The following RIMS2 variants were observed in gnomAD, a reference collection of about 807,000 sequenced individuals.
RIMS2 encodes regulating synaptic membrane exocytosis protein 2.
A neutral mutation model predicts 174.4 loss-of-function variants in RIMS2; 59 were observed. The observed-to-expected ratio is 0.34, with a 90% CI of 0.27 to 0.42. The LOEUF (loss-of-function observed/expected upper bound fraction) is 0.42, where lower values mean the gene tolerates loss of function less well. Among genes scored for constraint, RIMS2 ranks in the 10% least tolerant of loss-of-function variants. RIMS2 has a pLI of 1.00. For missense variants in RIMS2, 1,620 were observed against 1,666.3 expected (o/e 0.97, Z 0.48); for synonymous variants, 606 against 572.5 (o/e 1.06, Z -0.84).
At chr8:103,617,787 A>G (rs2095540423) in intron 1 of RIMS2, among the ~76,000 whole-genome samples, 1 of 152,202 alleles carries the variant, frequency 6.6e-6, no homozygotes, top group Non-Finnish European at 1.5e-5. Context: ...AGAAATGTAA[A>G]TCAAAACCAC....
chr8:104,198,691 C>T (rs1480676394), intron 19 of RIMS2, among the ~76,000 whole-genome samples: 3 of 152,122 alleles, frequency 2.0e-5, no homozygotes, highest in African/African-American at 7.2e-5. Flanking sequence ...GAATTTCTAC[C>T]TTCTGGCTTT....
At chr8:104,201,126 C>T (rs1394743574) in intron 19 of RIMS2, among the ~76,000 whole-genome samples, 1 of 152,080 alleles carries the variant, frequency 6.6e-6, no homozygotes, top group Non-Finnish European at 1.5e-5. Context: ...CCCTCTCCCT[C>T]CTCCCACCCT....
intron 3 of RIMS2, among the ~76,000 whole-genome samples, chr8:103,802,600 C>A (rs1176397829): frequency 6.6e-6 from 1 of 151,960 alleles, no homozygotes; most frequent in African/African-American, 2.4e-5. Flanking sequence ...TTTTGTAAAG[C>A]AAATAAACCA....
At chr8:104,232,393 C>T (rs2099235367) in intron 19 of RIMS2, among the ~76,000 whole-genome samples, 1 of 152,192 alleles carries the variant, frequency 6.6e-6, no homozygotes, top group East Asian at 1.9e-4. Context: ...TCATACATTA[C>T]AAAGAAACAT....
intron 3 of RIMS2, among the ~76,000 whole-genome samples, chr8:103,824,810 G>A (rs1370478090): frequency 6.6e-6 from 1 of 152,148 alleles, no homozygotes; most frequent in Non-Finnish European, 1.5e-5. Flanking sequence ...AGGACTTACG[G>A]TTACTCATAT....
At chr8:103,789,712 T>A (rs2098478171) in intron 3 of RIMS2, among the ~76,000 whole-genome samples, 1 of 149,728 alleles carries the variant, frequency 6.7e-6, no homozygotes, top group African/African-American at 2.5e-5. Flanking sequence ...TTTTTACCAA[T>A]GCATAAAAAT....
intron 1 of RIMS2, among the ~76,000 whole-genome samples, chr8:103,547,138 ATTTG>A (rs985562515): frequency 1.3e-5 from 2 of 152,188 alleles, no homozygotes; most frequent in African/African-American, 2.4e-5. Context: ...GGCCACTGGT[ATTTG>A]TTAGGCTTGA....
chr8:103,865,284 C>CTTTTTTTTTTTTT (rs67300843), intron 3 of RIMS2, among the ~76,000 whole-genome samples: 1 of 119,730 alleles, frequency 8.4e-6, no homozygotes, highest in Non-Finnish European at 1.7e-5. Context: ...CAGTTTTTTT[C>CTTTTTTTTTTTTT]TTTTTTTTTT....
intron 19 of RIMS2, among the ~76,000 whole-genome samples, chr8:104,039,832 G>A (rs2096579479): frequency 6.6e-6 from 1 of 151,662 alleles, no homozygotes; most frequent in South Asian, 2.1e-4. Context: ...ATGTGTATTA[G>A]TATATTTCTG....
At chr8:103,753,371 A>G (rs1473049283) in intron 2 of RIMS2, among the ~76,000 whole-genome samples, 1 of 152,204 alleles carries the variant, frequency 6.6e-6, no homozygotes, top group African/African-American at 2.4e-5. Context: ...ATCGATGTTC[A>G]TCAAGGGTAT....
intron 3 of RIMS2, among the ~76,000 whole-genome samples, chr8:103,792,811 C>T (rs967920677): frequency 6.6e-6 from 1 of 152,042 alleles, no homozygotes. Context: ...GACCTCTATG[C>T]AAATAAACTA....
At chr8:104,171,282 T>C (rs1482384840) in intron 19 of RIMS2, among the ~76,000 whole-genome samples, 1 of 150,360 alleles carries the variant, frequency 6.7e-6, no homozygotes, top group Non-Finnish European at 1.5e-5. Flanking sequence ...TAATTATTCT[T>C]AGGCTTAGCT....
rs1351198231 is a variant in RIMS2 at position 104,008,578 on chromosome 8, C to T, written c.3045-4864C>T. On this transcript the variant is annotated intron_variant, in intron 17 of 23. Coordinates refer to ENST00000504942, the Ensembl canonical transcript of RIMS2. ...CCTAATTTTCTTGAGGAAATTGGGA[C>T]GTTTGGTCATTTCTTCATGCAATTT... 4.6e-5 allele frequency among the ~76,000 whole-genome samples: 7 copies of T among 150,858 alleles called. No homozygotes were observed. The East Asian group carries it at 5.8e-4, about 13-fold the overall frequency.
At chr8:103,877,495 G>A (rs918403301) in intron 3 of RIMS2, among the ~76,000 whole-genome samples, 1 of 151,580 alleles carries the variant, frequency 6.6e-6, no homozygotes, top group African/African-American at 2.4e-5. Flanking sequence ...CCCACTTTGT[G>A]GATTGTCTGT....
chr8:104,002,101 T>C (rs917957140), intron 17 of RIMS2, among the ~76,000 whole-genome samples: 4 of 152,124 alleles, frequency 2.6e-5, no homozygotes, highest in African/African-American at 9.6e-5. Flanking sequence ...GACCATACTT[T>C]ACATTTTATT....
intron 14 of RIMS2, among the ~76,000 whole-genome samples, chr8:103,959,671 G>T (rs1370689375): frequency 6.6e-6 from 1 of 151,952 alleles, no homozygotes; most frequent in African/African-American, 2.4e-5. Flanking sequence ...CAGTCTGCCT[G>T]CCTCAGCTTC....
chr8:103,877,041 G>A (rs745837362), intron 3 of RIMS2, among the ~76,000 whole-genome samples: 28 of 150,374 alleles, frequency 1.9e-4, no homozygotes, highest in African/African-American at 4.9e-4. Flanking sequence ...TACCTTTTTC[G>A]TATAAGAACT....
At chr8:103,934,137 T>C (rs1219276239) in intron 12 of RIMS2, among the ~76,000 whole-genome samples, 2 of 152,168 alleles carry the variant, frequency 1.3e-5, no homozygotes, top group Non-Finnish European at 2.9e-5. Context: ...AGTGTTTGCA[T>C]GCTGTTACTA....
At chr8:103,772,065 T>C (rs10089003) in intron 3 of RIMS2, among the ~76,000 whole-genome samples, 466 of 152,162 alleles carry the variant, frequency 3.1e-3, no homozygotes, top group Non-Finnish European at 4.4e-3. Flanking sequence ...ACTTTCCAAA[T>C]ATCTCTGTGA....
Sources: gnomAD v4.1 joint callset for allele counts (sites outside exome capture counted in the v4.1 genomes callset) on GRCh38, gnomAD v4.1.1 for gene constraint, MANE v1.5 for transcripts, NCBI Gene and HGNC (gene_info 2026-07-23, HGNC 2026-07-21) for gene names.